The following GPC5 variants were observed in gnomAD, a reference collection of about 807,000 sequenced individuals.
GPC5 encodes the protein glypican 5.
A neutral mutation model predicts 53.9 loss-of-function variants in GPC5; 47 were observed. That is an observed-to-expected ratio of 0.87 (90% CI 0.69 to 1.11). The LOEUF is 1.11. Among genes scored for constraint, GPC5 ranks in the 50% most tolerant of loss-of-function variants. The probability of loss-of-function intolerance (pLI) is 0.00; values close to 1 mark genes in which losing one functional copy is unlikely to be tolerated. For synonymous variants in GPC5, 286 were observed against 263.3 expected (o/e 1.09, Z -0.84); for missense variants, 748 against 713.1 (o/e 1.05, Z -0.56).
At position 91,615,077 on chromosome 13, in the gene GPC5, T is replaced by C. The variant is rs182192341; in HGVS notation, c.326-78110T>C. On this transcript the variant is annotated intron_variant, in intron 2 of 7. Coordinates refer to ENST00000377067, the MANE Select transcript of GPC5 (RefSeq NM_004466.6). ...TATTCATTGATTGACCCAACATGATTTACAAAGAGGCATTAGGATTACAAA... is the reference window on the plus strand; with the variant it reads ...TATTCATTGATTGACCCAACATGATCTACAAAGAGGCATTAGGATTACAAA... 4.2e-3 allele frequency among the ~76,000 whole-genome samples: 636 copies of C among 151,576 alleles called. 8 individuals carry two copies. The highest frequency in any genetic ancestry group is 0.015 in the African/African-American group (617 of 41,528).
intron 2 of GPC5, among the ~76,000 whole-genome samples, chr13:91,490,201 T>A (rs575594085): frequency 1.3e-5 from 2 of 152,248 alleles, no homozygotes; most frequent in African/African-American, 4.8e-5. Context: ...TAAGTTGCTA[T>A]AGTGGGATGA....
chr13:91,653,793 A>C (rs1450176632), intron 2 of GPC5, among the ~76,000 whole-genome samples: 1 of 152,174 alleles, frequency 6.6e-6, no homozygotes, highest in Non-Finnish European at 1.5e-5. Context: ...AATTTTTAAC[A>C]GCTTTCAGGC....
chr13:92,496,210 T>C (rs929510403), intron 7 of GPC5, among the ~76,000 whole-genome samples: 3 of 152,174 alleles, frequency 2.0e-5, no homozygotes, highest in Non-Finnish European at 4.4e-5. Context: ...GTTTGAAACA[T>C]GAAAATTTAT....
At position 91,875,276 on chromosome 13, in the gene GPC5, C is replaced by G. The variant is rs562174607; in HGVS notation, c.1281-32661C>G. Among the ~76,000 whole-genome samples the G allele has an allele frequency of 2.0e-5, 3 of 152,188 alleles. No homozygotes were observed. The East Asian group carries it at 5.8e-4, about 29-fold the overall frequency. On this transcript the variant is annotated intron_variant, in intron 5 of 7. Transcript: ENST00000377067. ...GAGGCTTGACAATTTCATATCTTTC[C>G]TTTGTTTGCATCTTCCCCGTGTAGT...
chr13:92,646,087 A>G (rs887007711), intron 7 of GPC5, among the ~76,000 whole-genome samples: 4 of 152,064 alleles, frequency 2.6e-5, no homozygotes, highest in Admixed American at 6.6e-5. Context: ...ACCTTATCTA[A>G]GAAATCTTTT....
At chr13:91,994,585 A>T (rs2040487078) in intron 6 of GPC5, 1 of 152,162 alleles carries the variant, frequency 6.6e-6, no homozygotes, top group South Asian at 2.1e-4. Context: ...TCAAGCCTAC[A>T]TTGTCTTATC....
At chr13:92,487,657 A>G (rs1028231034) in intron 7 of GPC5, among the ~76,000 whole-genome samples, 1 of 151,998 alleles carries the variant, frequency 6.6e-6, no homozygotes, top group Non-Finnish European at 1.5e-5. Flanking sequence ...CGTGACCCCA[A>G]AGTTTATCTT....
intron 7 of GPC5, among the ~76,000 whole-genome samples, chr13:92,451,072 TG>T (rs1878041047): frequency 6.6e-6 from 1 of 152,222 alleles, no homozygotes; most frequent in South Asian, 2.1e-4. Context: ...CAATAATTAA[TG>T]AATTGTGATT....
intron 6 of GPC5, among the ~76,000 whole-genome samples, chr13:92,004,075 A>G (rs1362107846): frequency 6.6e-6 from 1 of 152,116 alleles, no homozygotes; most frequent in East Asian, 1.9e-4. Context: ...CCTATAGAAT[A>G]TTTCTCAAGA....
chr13:92,301,288 G>A (rs1021179234), intron 7 of GPC5, among the ~76,000 whole-genome samples: 7 of 152,230 alleles, frequency 4.6e-5, no homozygotes, highest in African/African-American at 1.7e-4. Flanking sequence ...TTGAAGAGAT[G>A]GAATCTTTGG....
chr13:92,038,220 C>CG (rs1566406734), intron 6 of GPC5, among the ~76,000 whole-genome samples: 1 of 151,752 alleles, frequency 6.6e-6, no homozygotes, highest in African/African-American at 2.4e-5. Flanking sequence ...CACCCAGGTG[C>CG]GACTACTGTG....
intron 2 of GPC5, among the ~76,000 whole-genome samples, chr13:91,471,102 G>A (rs991736804): frequency 2.6e-5 from 4 of 152,140 alleles, no homozygotes; most frequent in Non-Finnish European, 4.4e-5. Flanking sequence ...AAAGGTGCCG[G>A]TTATGGAGTG....
intron 7 of GPC5, among the ~76,000 whole-genome samples, chr13:92,254,601 G>A (rs2042714229): frequency 6.6e-6 from 1 of 152,108 alleles, no homozygotes; most frequent in African/African-American, 2.4e-5. Context: ...CTATAAGGAT[G>A]TATCCAAGAC....
chr13:91,485,083 T>G (rs1486480062), intron 2 of GPC5, among the ~76,000 whole-genome samples: 1 of 152,240 alleles, frequency 6.6e-6, no homozygotes, highest in Non-Finnish European at 1.5e-5. Flanking sequence ...ATCAGAGTTT[T>G]CATGTTAACA....
At chr13:91,771,441 A>G (rs893383761) in intron 5 of GPC5, among the ~76,000 whole-genome samples, 2 of 152,188 alleles carry the variant, frequency 1.3e-5, no homozygotes, top group Admixed American at 6.6e-5. Context: ...TGAATCATCT[A>G]TTTCATCCAT....
At chr13:92,116,868 T>A (rs1182460518) in intron 6 of GPC5, among the ~76,000 whole-genome samples, 2 of 152,242 alleles carry the variant, frequency 1.3e-5, no homozygotes, top group Non-Finnish European at 2.9e-5. Context: ...TATGTTTAAT[T>A]TTTTGCTCAT....
chr13:92,628,507 G>A (rs1414409509), intron 7 of GPC5, among the ~76,000 whole-genome samples: 4 of 151,828 alleles, frequency 2.6e-5, no homozygotes, highest in South Asian at 2.1e-4. Context: ...AGACATTCCC[G>A]TGTCCATGCT....
rs573821747 is a variant in GPC5 at position 92,600,524 on chromosome 13, T to C, written c.1562-265758T>C. Among the ~76,000 whole-genome samples the C allele has an allele frequency of 3.3e-5, 5 of 152,202 alleles. 1 individual carries two copies. The highest frequency in any genetic ancestry group is 1.2e-4 in the African/African-American group (5 of 41,528). ...CATTCATTTATTCTTTAAGACGGAA[T>C]TTCGCTCTTGTCACCCAGGCTAGAG... On this transcript the variant is annotated intron_variant, in intron 7 of 7. Transcript: ENST00000377067.
chr13:91,586,592 G>GA (rs2032604543), intron 2 of GPC5, among the ~76,000 whole-genome samples: 2 of 76,736 alleles, frequency 2.6e-5, no homozygotes, highest in Non-Finnish European at 2.7e-5. Context: ...AGAGAGAGAG[G>GA]GAGAGGAAGT....
Sources: gnomAD v4.1 joint callset for allele counts (sites outside exome capture counted in the v4.1 genomes callset) on GRCh38, gnomAD v4.1.1 for gene constraint, MANE v1.5 for transcripts, NCBI Gene and HGNC (gene_info 2026-07-23, HGNC 2026-07-21) for gene names.